GRIA4: variants seen among roughly 807,000 people sequenced by gnomAD.
GRIA4 encodes glutamate ionotropic receptor AMPA type subunit 4.
Under a neutral mutation model 104.0 loss-of-function variants are expected in GRIA4, and 34 were observed. The observed-to-expected ratio is 0.33, with a 90% CI of 0.25 to 0.44. The LOEUF is 0.44. Among genes scored for constraint, GRIA4 ranks in the 20% least tolerant of loss-of-function variants. The pLI, the probability that GRIA4 is intolerant of heterozygous loss-of-function variation, is 1.00. For synonymous variants in GRIA4, 386 were observed against 381.9 expected (o/e 1.01, Z -0.13); for missense variants, 750 against 1,096.5 (o/e 0.68, Z 4.46).
intron 7 of GRIA4, among the ~76,000 whole-genome samples, chr11:105,902,125 G>A (rs1334746741): frequency 6.6e-6 from 1 of 152,124 alleles, no homozygotes; most frequent in Non-Finnish European, 1.5e-5. Context: ...GTTTTATCAT[G>A]TCCTGGGGGA....
At chr11:105,871,464 T>C (rs1024789659) in intron 5 of GRIA4, among the ~76,000 whole-genome samples, 3 of 150,860 alleles carry the variant, frequency 2.0e-5, no homozygotes, top group Non-Finnish European at 4.4e-5. Flanking sequence ...TTTATTTCTA[T>C]AGTTAGACCT....
intron 3 of GRIA4, among the ~76,000 whole-genome samples, chr11:105,701,261 T>C (rs530592835): frequency 1.3e-5 from 2 of 152,348 alleles, no homozygotes; most frequent in African/African-American, 4.8e-5. Flanking sequence ...CAAATATATC[T>C]TCTGTGCTTA....
At chr11:105,616,403 G>A (rs755100905) in intron 3 of GRIA4, among the ~76,000 whole-genome samples, 5 of 151,564 alleles carry the variant, frequency 3.3e-5, no homozygotes, top group Non-Finnish European at 5.9e-5. Context: ...ACTTTACAAA[G>A]TACTTGTAAA....
chr11:105,652,832 T>A (rs138863869), intron 3 of GRIA4, among the ~76,000 whole-genome samples: 23 of 152,308 alleles, frequency 1.5e-4, no homozygotes, highest in Middle Eastern at 3.4e-3. Context: ...TTTATTTTTC[T>A]TCTTTACAGT....
chr11:105,673,579 A>G (rs1591540669), intron 3 of GRIA4, among the ~76,000 whole-genome samples: 1 of 151,848 alleles, frequency 6.6e-6, no homozygotes, highest in African/African-American at 2.4e-5. Context: ...TTAACTCTTT[A>G]CTCCTCCTTT....
At chr11:105,710,921 A>G (rs1953887570) in intron 3 of GRIA4, among the ~76,000 whole-genome samples, 1 of 152,136 alleles carries the variant, frequency 6.6e-6, no homozygotes, top group East Asian at 1.9e-4. Flanking sequence ...TTTTATTAGG[A>G]AACAAAAACT....
intron 10 of GRIA4, chr11:105,912,887 A>C: frequency 1.0e-6 from 1 of 980,360 alleles, no homozygotes; most frequent in Non-Finnish European, 1.2e-6. Context: ...ATTCAGCTGA[A>C]AACTCCCAAC....
chr11:105,824,565 C>A (rs1035520605), intron 4 of GRIA4: 1 of 152,004 alleles, frequency 6.6e-6, no homozygotes, highest in Non-Finnish European at 1.5e-5. Context: ...TGTAGAACAA[C>A]GTGATTATAT....
intron 5 of GRIA4, among the ~76,000 whole-genome samples, chr11:105,869,614 A>C (rs1175008558): frequency 1.3e-5 from 2 of 152,100 alleles, no homozygotes; most frequent in African/African-American, 4.8e-5. Context: ...AGGCAGCAAA[A>C]CATTCAACAG....
chr11:105,889,157 T>C (rs1946378035), intron 6 of GRIA4, among the ~76,000 whole-genome samples: 1 of 152,188 alleles, frequency 6.6e-6, no homozygotes, highest in South Asian at 2.1e-4. Flanking sequence ...GTTGCTGACA[T>C]TGGCAATTAA....
At chr11:105,673,152 C>T (rs1482147051) in intron 3 of GRIA4, among the ~76,000 whole-genome samples, 1 of 152,094 alleles carries the variant, frequency 6.6e-6, no homozygotes, top group Non-Finnish European at 1.5e-5. Flanking sequence ...TCCACCCACC[C>T]AAGTTCTCAT....
intron 3 of GRIA4, among the ~76,000 whole-genome samples, chr11:105,721,540 T>C (rs1937819726): frequency 6.6e-6 from 1 of 152,184 alleles, no homozygotes; most frequent in Non-Finnish European, 1.5e-5. Flanking sequence ...TATAATTGGA[T>C]TTGTTTCATT....
intron 13 of GRIA4, among the ~76,000 whole-genome samples, chr11:105,928,546 C>T (rs866074816): frequency 1.3e-5 from 2 of 149,690 alleles, no homozygotes; most frequent in South Asian, 4.2e-4. Context: ...CTGCTCCCAT[C>T]CATATAAGTA....
At chr11:105,655,316 C>T (rs1478135813) in intron 3 of GRIA4, among the ~76,000 whole-genome samples, 1 of 151,940 alleles carries the variant, frequency 6.6e-6, no homozygotes, top group Admixed American at 6.6e-5. Context: ...TACATCTAAC[C>T]TTTTTGTATA....
At chr11:105,715,068 C>T (rs1954044652) in intron 3 of GRIA4, among the ~76,000 whole-genome samples, 1 of 152,094 alleles carries the variant, frequency 6.6e-6, no homozygotes, top group African/African-American at 2.4e-5. Context: ...CTGAAAAAAA[C>T]AGCGATTATA....
At chr11:105,946,251 G>A (rs1948309509) in intron 14 of GRIA4, among the ~76,000 whole-genome samples, 1 of 151,964 alleles carries the variant, frequency 6.6e-6, no homozygotes, top group African/African-American at 2.4e-5. Flanking sequence ...TTTCAAATTG[G>A]TCTTTCCATA....
chr11:105,797,066 C>T (rs1043517188), intron 4 of GRIA4, among the ~76,000 whole-genome samples: 2 of 151,648 alleles, frequency 1.3e-5, no homozygotes, highest in African/African-American at 2.4e-5. Flanking sequence ...ATAAAAAGTC[C>T]GGCATGGTGG....
chr11:105,619,060 C>T lies in GRIA4; in HGVS notation c.247+6626C>T, dbSNP rs376341868. 4.7e-5 allele frequency among the ~76,000 whole-genome samples: 5 copies of T among 107,246 alleles called. No individual in the cohort carries two copies. In the East Asian group the frequency reaches 1.1e-3, roughly 24 times the overall value. 70.4% of individuals were successfully genotyped at this position (107,246 alleles called of 152,430 possible). A position where few individuals can be genotyped will look rare whatever the true frequency, so the allele number is the denominator to read the frequency against. ...TTTTTCCTTTTCTTTTCAGAATGTT[C>T]TTTTGTATATGACCAGAAAAAAAAA... On this transcript the variant is annotated intron_variant, in intron 3 of 16. Coordinates refer to ENST00000282499, the MANE Select transcript of GRIA4 (RefSeq NM_000829.4).
chr11:105,940,825 T>TA (rs113003734), intron 14 of GRIA4, among the ~76,000 whole-genome samples: 90,869 of 150,562 alleles, frequency 0.6, 27,553 homozygotes, highest in African/African-American at 0.67. Flanking sequence ...CACATTTAAT[T>TA]TAAAAAAAAG....
Sources: gnomAD v4.1 joint callset for allele counts (sites outside exome capture counted in the v4.1 genomes callset) on GRCh38, gnomAD v4.1.1 for gene constraint, MANE v1.5 for transcripts, NCBI Gene and HGNC (gene_info 2026-07-23, HGNC 2026-07-21) for gene names.